Variants in CLSTN2 observed in about 807,000 individuals in gnomAD.
The protein encoded by CLSTN2 is calsyntenin 2, also known as calsyntenin-2.
In CLSTN2, 48 loss-of-function variants were observed where a neutral mutation model predicts 101.2. The ratio of observed to expected loss-of-function variants is 0.47; its 90% CI spans 0.38 to 0.60. The LOEUF (loss-of-function observed/expected upper bound fraction) is 0.60. Among genes scored for constraint, CLSTN2 ranks in the 20% least tolerant of loss-of-function variants. The pLI is 0.00. For missense variants in CLSTN2, 1,160 were observed against 1,238.2 expected, an observed-to-expected ratio of 0.94 and a Z score of 0.95; for synonymous variants, 481 against 463.6, an observed-to-expected ratio of 1.04 and a Z score of -0.48.
intron 7 of CLSTN2, among the ~76,000 whole-genome samples, chr3:140,464,528 C>G (rs537268419): frequency 6.6e-6 from 1 of 152,242 alleles, no homozygotes; most frequent in South Asian, 2.1e-4. Flanking sequence ...AATCAGGTAC[C>G]CTGGCATATG....
intron 5 of CLSTN2, among the ~76,000 whole-genome samples, chr3:140,445,488 AC>A (rs1215532139): frequency 6.6e-6 from 1 of 152,146 alleles, no homozygotes; most frequent in Non-Finnish European, 1.5e-5. Context: ...AAACAGGAGA[AC>A]CTCAAGACTG....
intron 8 of CLSTN2, among the ~76,000 whole-genome samples, chr3:140,479,529 A>T (rs146977048): frequency 6.6e-6 from 1 of 152,374 alleles, no homozygotes; most frequent in African/African-American, 2.4e-5. Flanking sequence ...CCCTGATAGA[A>T]CACAAATGTT....
intron 2 of CLSTN2, among the ~76,000 whole-genome samples, chr3:140,345,352 G>A (rs906999569): frequency 1.3e-5 from 2 of 150,934 alleles, no homozygotes; most frequent in African/African-American, 2.4e-5. Flanking sequence ...CGGTTCAAGC[G>A]ATTCTCCTGC....
intron 5 of CLSTN2, among the ~76,000 whole-genome samples, chr3:140,422,115 C>T (rs1319933030): frequency 6.6e-6 from 1 of 152,128 alleles, no homozygotes; most frequent in Non-Finnish European, 1.5e-5. Context: ...TGCTTCATTT[C>T]TGTGTACTGC....
intron 12 of CLSTN2, among the ~76,000 whole-genome samples, chr3:140,559,459 T>C (rs1935867084): frequency 6.6e-6 from 1 of 151,818 alleles, no homozygotes; most frequent in African/African-American, 2.4e-5. Context: ...AACTTCATTA[T>C]TGGGAAGGTT....
At chr3:140,058,759 A>G (rs2008143471) in intron 1 of CLSTN2, among the ~76,000 whole-genome samples, 2 of 150,460 alleles carry the variant, frequency 1.3e-5, no homozygotes. Context: ...TTAAATGTCT[A>G]GACACTATTG....
intron 2 of CLSTN2, among the ~76,000 whole-genome samples, chr3:140,342,710 T>C (rs903655768): frequency 6.6e-6 from 1 of 152,140 alleles, no homozygotes; most frequent in Non-Finnish European, 1.5e-5. Context: ...ACACAAAGGC[T>C]AGGGGTAACC....
chr3:140,343,066 C>G (rs74908525), intron 2 of CLSTN2, among the ~76,000 whole-genome samples: 1 of 152,066 alleles, frequency 6.6e-6, no homozygotes, highest in Non-Finnish European at 1.5e-5. Flanking sequence ...AGGCAGGGTA[C>G]GTTTTTGTGG....
At chr3:140,558,939 T>C in intron 12 of CLSTN2, 82 bp downstream of exon 12, 5 of 1,107,752 alleles carry the variant, frequency 4.5e-6, no homozygotes, top group Non-Finnish European at 4.0e-6. Flanking sequence ...AACAACAGCA[T>C]TGTTCATGTA....
intron 2 of CLSTN2, among the ~76,000 whole-genome samples, chr3:140,396,931 C>T (rs2088189630): frequency 6.6e-6 from 1 of 151,936 alleles, no homozygotes; most frequent in African/African-American, 2.4e-5. Context: ...TCTTATGACC[C>T]CTTTACACTC....
At chr3:139,980,885 A>T (rs997194519) in intron 1 of CLSTN2, among the ~76,000 whole-genome samples, 6 of 152,134 alleles carry the variant, frequency 3.9e-5, no homozygotes, top group African/African-American at 1.4e-4. Flanking sequence ...ATGGAGAGCT[A>T]TGTGACCACA....
intron 1 of CLSTN2, among the ~76,000 whole-genome samples, chr3:140,157,049 TACAG>T (rs2009965713): frequency 6.6e-6 from 1 of 152,164 alleles, no homozygotes; most frequent in South Asian, 2.1e-4. Flanking sequence ...TTGTAGAGGA[TACAG>T]TGTGAAGTAG....
chr3:140,421,077 G>T, intron 4 of CLSTN2, 48 bp from the exon 5 acceptor site: 1 of 1,588,436 alleles, frequency 6.3e-7, no homozygotes, highest in South Asian at 1.1e-5. Context: ...AGAAGTACAA[G>T]TGCAGTTAAA....
chr3:140,140,012 C>T (rs1021227923), intron 1 of CLSTN2, among the ~76,000 whole-genome samples: 6 of 152,196 alleles, frequency 3.9e-5, no homozygotes. Context: ...ACTTTAGATG[C>T]ATCAACATCA....
intron 2 of CLSTN2, among the ~76,000 whole-genome samples, chr3:140,246,848 G>C (rs1421811907): frequency 6.6e-6 from 1 of 152,076 alleles, no homozygotes; most frequent in Non-Finnish European, 1.5e-5. Flanking sequence ...GCTCCTGAGA[G>C]GCAGCAGTGC....
At chr3:140,173,606 C>T (rs1235769473) in intron 1 of CLSTN2, among the ~76,000 whole-genome samples, 4 of 152,256 alleles carry the variant, frequency 2.6e-5, no homozygotes, top group African/African-American at 4.8e-5. Flanking sequence ...ATGAGAGCCA[C>T]TCCCCTGCAG....
chr3:140,372,915 A>T (rs1261507176), intron 2 of CLSTN2, among the ~76,000 whole-genome samples: 1 of 152,188 alleles, frequency 6.6e-6, no homozygotes, highest in Non-Finnish European at 1.5e-5. Flanking sequence ...AAACATTTTT[A>T]AAAATTAGCC....
intron 2 of CLSTN2, among the ~76,000 whole-genome samples, chr3:140,395,821 C>T (rs1187698678): frequency 6.6e-6 from 1 of 152,170 alleles, no homozygotes; most frequent in African/African-American, 2.4e-5. Context: ...CCACTCAGCC[C>T]TCTGGCAGTG....
chr3:140,191,383 T>C (rs1203003809), intron 2 of CLSTN2, among the ~76,000 whole-genome samples: 1 of 152,052 alleles, frequency 6.6e-6, no homozygotes, highest in African/African-American at 2.4e-5. Context: ...TTTGTATTGC[T>C]ATTGTCTAGT....
Sources: allele counts gnomAD v4.1 joint callset (sites outside exome capture counted in the v4.1 genomes callset), GRCh38; gene constraint gnomAD v4.1.1; transcripts MANE v1.5; gene names NCBI Gene and HGNC (gene_info 2026-07-23, HGNC 2026-07-21).